The following PCOLCE2 variants were observed in gnomAD, a reference collection of about 807,000 sequenced individuals.
The protein encoded by PCOLCE2 is procollagen C-endopeptidase enhancer 2, also known as procollagen C-proteinase enhancer 2.
In PCOLCE2, 42 loss-of-function variants were observed where a neutral mutation model predicts 47.0. The observed-to-expected ratio is 0.89, with a 90% CI of 0.70 to 1.16. The LOEUF (loss-of-function observed/expected upper bound fraction) is 1.16, where lower values mean the gene tolerates loss of function less well. Among genes scored for constraint, PCOLCE2 ranks in the 50% most tolerant of loss-of-function variants. PCOLCE2 has a pLI of 0.00. For missense variants in PCOLCE2, 500 were observed against 526.1 expected (o/e 0.95, Z 0.49); for synonymous variants, 169 against 191.7 (o/e 0.88, Z 0.98).
intron 6 of PCOLCE2, among the ~76,000 whole-genome samples, chr3:142,828,631 T>C (rs962156513): frequency 3.9e-5 from 6 of 152,002 alleles, no homozygotes; most frequent in Admixed American, 6.6e-5. Flanking sequence ...AGGCAGAAAA[T>C]AGTGTGATAA....
chr3:142,823,448 T>C, intron 7 of PCOLCE2, 84 bp downstream of exon 7: 1 of 821,768 alleles, frequency 1.2e-6, no homozygotes, highest in South Asian at 1.5e-5. Context: ...CCCTTCACCA[T>C]AAATTCATAG....
At chr3:142,888,394 C>T (rs955279076) in intron 1 of PCOLCE2, among the ~76,000 whole-genome samples, 1 of 152,196 alleles carries the variant, frequency 6.6e-6, no homozygotes, top group Admixed American at 6.5e-5. Context: ...AGGCGCCGCG[C>T]CGCTAGGGTT....
intron 2 of PCOLCE2, among the ~76,000 whole-genome samples, chr3:142,848,961 G>A (rs1937360772): frequency 6.6e-6 from 1 of 152,072 alleles, no homozygotes; most frequent in Admixed American, 6.5e-5. Flanking sequence ...AGACCATCCT[G>A]GCTAACACAG....
At position 142,869,768 on chromosome 3, in the gene PCOLCE2, T is replaced by C. The variant is rs1041769644; in HGVS notation, c.192+17901A>G. 3.3e-5 allele frequency among the ~76,000 whole-genome samples: 5 copies of C among 152,232 alleles called. 1 individual carries two copies. Among genetic ancestry groups the C allele is most frequent in the Non-Finnish European group, 7.3e-5 (5 of 68,042 alleles). On this transcript the variant is annotated intron_variant, in intron 2 of 8. Transcript: ENST00000295992. Reference sequence around the variant, plus strand: ...CCTAGAAGCCCCCACACTTCAAGTTTTCCCGCCTTTCTGGACCGAACCAAT... The same window carrying C: ...CCTAGAAGCCCCCACACTTCAAGTTCTCCCGCCTTTCTGGACCGAACCAAT...
chr3:142,878,237 G>T (rs1363595129), intron 2 of PCOLCE2, among the ~76,000 whole-genome samples: 1 of 152,088 alleles, frequency 6.6e-6, no homozygotes, highest in South Asian at 2.1e-4. Context: ...CTTGTGCTTT[G>T]GGCAGTTATA....
At chr3:142,882,803 A>G (rs887112001) in intron 2 of PCOLCE2, among the ~76,000 whole-genome samples, 12 of 152,230 alleles carry the variant, frequency 7.9e-5, no homozygotes, top group African/African-American at 2.9e-4. Context: ...ATCTAAGAAC[A>G]GAATCAATTC....
Position 142,848,448 on chromosome 3 carries a change from GAAC to G in PCOLCE2, c.214_216del (p.Val72del). ...TCGAGGTCTATGAATCGGAAATTGA[GAAC>G]GACTACTTTTCCTTCGGGAACCTGC... On this transcript the variant is annotated inframe_deletion, in exon 3 of 9. Transcript: ENST00000295992. 6.3e-7 allele frequency: 1 copy of G among 1,599,412 alleles called. No homozygotes were observed. Among genetic ancestry groups the G allele is most frequent in the Non-Finnish European group, 8.6e-7 (1 of 1,168,362 alleles).
At chr3:142,876,667 T>G (rs1048568481) in intron 2 of PCOLCE2, among the ~76,000 whole-genome samples, 2 of 152,178 alleles carry the variant, frequency 1.3e-5, no homozygotes, top group African/African-American at 2.4e-5. Context: ...CTCACATGGT[T>G]GGCACCTCAG....
At chr3:142,819,170 C>T (rs1403423375) in intron 8 of PCOLCE2, among the ~76,000 whole-genome samples, 1 of 152,136 alleles carries the variant, frequency 6.6e-6, no homozygotes, top group African/African-American at 2.4e-5. Context: ...ACATCGGTGT[C>T]AAGAGTACTT....
chr3:142,850,718 T>C (rs1937380464), intron 2 of PCOLCE2, among the ~76,000 whole-genome samples: 1 of 152,038 alleles, frequency 6.6e-6, no homozygotes, highest in Admixed American at 6.6e-5. Context: ...AAAAGGATCA[T>C]GAGAAAATGG....
Position 142,887,768 on chromosome 3 carries a change from G to C in PCOLCE2, c.93C>G (p.Phe31Leu). The C allele has an allele frequency of 6.3e-7, 1 of 1,580,662 alleles. No homozygotes were observed. Among genetic ancestry groups the C allele is most frequent in the South Asian group, 1.1e-5 (1 of 90,342 alleles). Residue 31 changes from phenylalanine (F) to leucine (L), a missense_variant, in exon 2 of 9, where the codon TTC (phenylalanine) becomes TTG (leucine). Phe to Leu is a conservative substitution (Grantham distance 22, BLOSUM62 0). Transcript: ENST00000295992. ...SRQQSPERPV[F>L]TCGGILTGES... ...CTCCAGTAAGAATGCCACCACATGTGAAAACAGGTCTGGGAACATAAAAGA... is the reference window on the plus strand; with the variant it reads ...CTCCAGTAAGAATGCCACCACATGTCAAAACAGGTCTGGGAACATAAAAGA...
intron 2 of PCOLCE2, among the ~76,000 whole-genome samples, chr3:142,865,805 T>C (rs1283096338): frequency 6.6e-6 from 1 of 152,196 alleles, no homozygotes; most frequent in Non-Finnish European, 1.5e-5. Flanking sequence ...TGTGACTGGA[T>C]AGGAAGCAAG....
In PCOLCE2 at chr3:142,838,764, A is replaced by C. The variant is rs1450570722; in HGVS notation, c.710+6T>G. 3.7e-6 allele frequency: 6 copies of C among 1,612,872 alleles called. No homozygotes were observed. Among genetic ancestry groups the C allele is most frequent in the Non-Finnish European group, 5.1e-6 (6 of 1,178,958 alleles). On this transcript the variant is annotated splice_donor_region_variant and intron_variant, in intron 5 of 8. Transcript: ENST00000295992. ...ACTATTAAAGACATAAATAGGTGCT[A>C]CTTACGCAGGTGGACTATCACCACA...
chr3:142,852,731 A>G (rs1188006269), intron 2 of PCOLCE2, among the ~76,000 whole-genome samples: 1 of 148,146 alleles, frequency 6.8e-6, no homozygotes, highest in Non-Finnish European at 1.5e-5. Context: ...GTATTTATGT[A>G]TATGTGTATA....
chr3:142,861,377 C>T (rs1007544471), intron 2 of PCOLCE2, among the ~76,000 whole-genome samples: 2 of 152,166 alleles, frequency 1.3e-5, no homozygotes, highest in African/African-American at 4.8e-5. Flanking sequence ...TTAGAACTCT[C>T]GTTAGTCAGA....
chr3:142,847,867 AG>A (rs1937343944), intron 3 of PCOLCE2, among the ~76,000 whole-genome samples: 1 of 152,212 alleles, frequency 6.6e-6, no homozygotes, highest in African/African-American at 2.4e-5. Context: ...CTATTGTATA[AG>A]TACTCAAATA....
At chr3:142,888,563 C>G (rs2108215540) in intron 1 of PCOLCE2, 1 of 395,852 alleles carries the variant, frequency 2.5e-6, no homozygotes, top group South Asian at 1.0e-4. Flanking sequence ...ACGTGGTGGC[C>G]AAGCCAGCTG....
Position 142,820,974 on chromosome 3 carries a change from T to C in PCOLCE2, c.1021A>G (p.Ile341Val), listed in dbSNP as rs745408122. ...SLHATVSIIN[I>V]YKEGNLAIQQ... ...ATCGCCAAATTTCCCTCTTTGTAGA[T>C]GTTGATGATCGAGACTGTGGCGTGC... The change falls in exon 8 of 9, where the codon ATC becomes GTC. Residue 341 changes from isoleucine (I) to valine (V), a missense_variant. Coordinates refer to ENST00000295992, the MANE Select transcript of PCOLCE2 (RefSeq NM_013363.4). 2 of 1,613,930 alleles carry C rather than the reference T, an allele frequency of 1.2e-6. No homozygotes were observed. Among genetic ancestry groups the C allele is most frequent in the South Asian group, 1.1e-5 (1 of 91,078 alleles).
Position 142,863,055 on chromosome 3 carries a change from T to G in PCOLCE2, c.193-14583A>C, listed in dbSNP as rs549595197. Among the ~76,000 whole-genome samples, 168 of 131,100 alleles carry G rather than the reference T, an allele frequency of 1.3e-3. 1 individual carries two copies. The highest frequency in any genetic ancestry group is 4.8e-3 in the African/African-American group (165 of 34,680). The allele number at this position is 131,100 out of a possible 152,430, so 86.0% of individuals were successfully genotyped here. On this transcript the variant is annotated intron_variant, in intron 2 of 8. Coordinates refer to ENST00000295992, the MANE Select transcript of PCOLCE2 (RefSeq NM_013363.4). Reference sequence around the variant, plus strand: ...ATTAGTTCCCATTTTTCACACCTTCTCCTACGCTGGATGCCTATCAATACT... The same window carrying G: ...ATTAGTTCCCATTTTTCACACCTTCGCCTACGCTGGATGCCTATCAATACT...
Sources: allele counts gnomAD v4.1 joint callset (sites outside exome capture counted in the v4.1 genomes callset), GRCh38; gene constraint gnomAD v4.1.1; transcripts MANE v1.5; gene names NCBI Gene and HGNC (gene_info 2026-07-23, HGNC 2026-07-21).